CLDN16: variants seen among roughly 807,000 people sequenced by gnomAD.
CLDN16 encodes claudin 16.
A neutral mutation model predicts 24.6 loss-of-function variants in CLDN16; 13 were observed. The observed-to-expected ratio is 0.53, with a 90% CI of 0.34 to 0.84. The LOEUF (loss-of-function observed/expected upper bound fraction) is 0.84, where lower values mean the gene tolerates loss of function less well. Among genes scored for constraint, CLDN16 ranks in the 40% least tolerant of loss-of-function variants. The pLI is 0.01. For synonymous variants in CLDN16, 116 were observed against 106.7 expected, an observed-to-expected ratio of 1.09 and a Z score of -0.54; for missense variants, 298 against 292.7, an observed-to-expected ratio of 1.02 and a Z score of -0.13.
At chr3:190,363,558 A>G (rs1863234) in intron 1 of CLDN16, among the ~76,000 whole-genome samples, 117 of 75,518 alleles carry the variant, frequency 1.5e-3, no homozygotes, top group African/African-American at 5.9e-3. Flanking sequence ...GTGTGTGTGT[A>G]TATATATATA....
intron 1 of CLDN16, among the ~76,000 whole-genome samples, chr3:190,363,495 CTTCATTGACTGT>C (rs1303496852): frequency 7.2e-6 from 1 of 138,106 alleles, no homozygotes; most frequent in Non-Finnish European, 1.5e-5. Flanking sequence ...CATATTTCTG[CTTCATTGACTGT>C]ATAATAATTT....
upstream of CLDN16, among the ~76,000 whole-genome samples, chr3:190,386,513 C>G (rs556444025): frequency 1.3e-5 from 2 of 152,194 alleles, no homozygotes; most frequent in South Asian, 4.1e-4. Context: ...GTGGGTAGTG[C>G]ATACAATGTG....
intron 1 of CLDN16, among the ~76,000 whole-genome samples, chr3:190,331,882 C>T (rs997607350): frequency 1.3e-5 from 2 of 152,196 alleles, no homozygotes; most frequent in African/African-American, 4.8e-5. Context: ...GGCTCCATTC[C>T]TTGTCCTGGT....
chr3:190,339,045 G>A (rs756868840), intron 1 of CLDN16, among the ~76,000 whole-genome samples: 1 of 152,054 alleles, frequency 6.6e-6, no homozygotes, highest in Non-Finnish European at 1.5e-5. Flanking sequence ...GGATAAGACA[G>A]TGCAGCTCTC....
chr3:190,394,957 T>G (rs1718779292), intron 1 of CLDN16, among the ~76,000 whole-genome samples: 1 of 152,096 alleles, frequency 6.6e-6, no homozygotes, highest in Admixed American at 6.5e-5. Flanking sequence ...AGAATGTGGC[T>G]TTTTGCTTAG....
chr3:190,361,508 C>T (rs1048795804), intron 1 of CLDN16, among the ~76,000 whole-genome samples: 1 of 151,940 alleles, frequency 6.6e-6, no homozygotes, highest in Non-Finnish European at 1.5e-5. Context: ...TGGCACCAGT[C>T]GGCCTTCGTA....
chr3:190,402,278 A>G (rs1718981429), intron 1 of CLDN16, 59 bp from the exon 2 acceptor site: 2 of 1,291,792 alleles, frequency 1.5e-6, no homozygotes, highest in Non-Finnish European at 1.1e-6. Flanking sequence ...TTTTTGATCA[A>G]GGGGAACTGA....
intron 1 of CLDN16, among the ~76,000 whole-genome samples, chr3:190,361,871 C>G (rs191775919): frequency 1.3e-5 from 2 of 151,870 alleles, no homozygotes; most frequent in African/African-American, 4.8e-5. Flanking sequence ...TCCATCTTTC[C>G]TTTTTTTGTT....
chr3:190,355,763 C>T lies in CLDN16; in HGVS notation n.122-15130C>T, dbSNP rs148829457. On this transcript the variant is annotated intron_variant and non_coding_transcript_variant, in intron 1 of 4. Transcript: ENST00000468220. Reference sequence around the variant, plus strand: ...CTAGTGGTATGCACATAGCCAATGCCAGATTACCCATATAAAAGAAAAATA... The same window carrying T: ...CTAGTGGTATGCACATAGCCAATGCTAGATTACCCATATAAAAGAAAAATA... 1.6e-3 allele frequency among the ~76,000 whole-genome samples: 249 copies of T among 151,638 alleles called. 2 individuals carry two copies. Among genetic ancestry groups the T allele is most frequent in the African/African-American group, 4.9e-3 (202 of 41,420 alleles).
At chr3:190,392,432 T>G (rs913934082) in intron 1 of CLDN16, among the ~76,000 whole-genome samples, 2 of 152,146 alleles carry the variant, frequency 1.3e-5, no homozygotes, top group African/African-American at 4.8e-5. Flanking sequence ...AAATAATCTC[T>G]GACAACTTCT....
chr3:190,329,776 G>T (rs914581001), intron 1 of CLDN16, among the ~76,000 whole-genome samples: 1 of 152,094 alleles, frequency 6.6e-6, no homozygotes, highest in African/African-American at 2.4e-5. Flanking sequence ...GATAAGACTT[G>T]CATTTGAACA....
chr3:190,386,442 C>T (rs1413561826), upstream of CLDN16, among the ~76,000 whole-genome samples: 1 of 152,050 alleles, frequency 6.6e-6, no homozygotes, highest in Non-Finnish European at 1.5e-5. Flanking sequence ...GTACTGGATC[C>T]TACACACACT....
At chr3:190,400,892 C>T (rs1378138909) in intron 1 of CLDN16, among the ~76,000 whole-genome samples, 1 of 152,138 alleles carries the variant, frequency 6.6e-6, no homozygotes, top group African/African-American at 2.4e-5. Flanking sequence ...GGAGCACACC[C>T]ACACACTGCT....
intron 1 of CLDN16, among the ~76,000 whole-genome samples, chr3:190,340,503 C>G (rs1033974037): frequency 9.2e-5 from 14 of 152,192 alleles, no homozygotes; most frequent in African/African-American, 3.4e-4. Flanking sequence ...GAGAGGGTAG[C>G]ACAGGAAAGA....
chr3:190,313,722 A>G, the CLDN16 span, among the ~76,000 whole-genome samples: 6 of 152,324 alleles, frequency 3.9e-5, no homozygotes, highest in African/African-American at 4.8e-5. Flanking sequence ...TTTTAAAACT[A>G]TTTAAGCTGC....
At chr3:190,385,655 C>A (rs1383048806), upstream of CLDN16, among the ~76,000 whole-genome samples, 1 of 151,882 alleles carries the variant, frequency 6.6e-6, no homozygotes, top group African/African-American at 2.4e-5. Context: ...ATATGCTTAG[C>A]ATTTTTTGGT....
chr3:190,335,639 G>A (rs1297319513), intron 1 of CLDN16, among the ~76,000 whole-genome samples: 6 of 148,270 alleles, frequency 4.0e-5, no homozygotes, highest in Non-Finnish European at 8.9e-5. Context: ...TTGAACCCAG[G>A]AGGCGGAGCT....
intron 1 of CLDN16, among the ~76,000 whole-genome samples, chr3:190,397,648 G>A (rs938777210): frequency 1.3e-5 from 2 of 152,040 alleles, no homozygotes; most frequent in African/African-American, 2.4e-5. Flanking sequence ...CACCTTTAAG[G>A]GTGTCTCCAG....
chr3:190,365,545 T>A (rs1718002571), intron 1 of CLDN16, among the ~76,000 whole-genome samples: 1 of 148,002 alleles, frequency 6.8e-6, no homozygotes, highest in Non-Finnish European at 1.5e-5. Flanking sequence ...GTATGAGCCA[T>A]CTTTTTTCCC....
Sources: gnomAD v4.1 joint callset for allele counts (sites outside exome capture counted in the v4.1 genomes callset) on GRCh38, gnomAD v4.1.1 for gene constraint, MANE v1.5 for transcripts, NCBI Gene and HGNC (gene_info 2026-07-23, HGNC 2026-07-21) for gene names.